Variants in DLC1 observed in about 807,000 individuals in gnomAD.
DLC1 encodes rho GTPase-activating protein 7.
In DLC1, 54 loss-of-function variants were observed where a neutral mutation model predicts 140.3. That is an observed-to-expected ratio of 0.38 (90% CI 0.31 to 0.48). DLC1 has a LOEUF of 0.48. Among genes scored for constraint, DLC1 ranks in the 20% least tolerant of loss-of-function variants. The probability of loss-of-function intolerance (pLI) is 0.96; values close to 1 mark genes in which losing one functional copy is unlikely to be tolerated. For missense variants in DLC1, 2,536 were observed against 1,907.0 expected (o/e 1.33, Z -6.14); for synonymous variants, 986 against 728.1 (o/e 1.35, Z -5.70).
At position 13,500,132 on chromosome 8, in the gene DLC1, A is replaced by G; in HGVS notation, c.-61T>C. On this transcript the variant is annotated 5_prime_UTR_variant, in exon 2 of 18. Coordinates refer to ENST00000276297, the MANE Select transcript of DLC1 (RefSeq NM_182643.3). The stretch of plus-strand genomic sequence containing the variant: ...TCCATATGAGGGTAAAGGAGATGGA[A>G]CTTGATGAAAGATTATTTCAAAATC... The G allele has an allele frequency of 7.3e-7, 1 of 1,378,786 alleles. No individual in the cohort carries two copies. 85.4% of individuals were successfully genotyped at this position (1,378,786 alleles called of 1,614,324 possible).
chr8:13,174,830 T>A (rs989793560), intron 5 of DLC1, among the ~76,000 whole-genome samples: 2 of 151,888 alleles, frequency 1.3e-5, no homozygotes, highest in South Asian at 4.1e-4. Context: ...CATTGATAAT[T>A]TTTTTTTGCT....
intron 1 of DLC1, among the ~76,000 whole-genome samples, chr8:13,595,018 G>A (rs139214683): frequency 0.011 from 1,693 of 150,682 alleles, 14 homozygotes; most frequent in Non-Finnish European, 0.018. Flanking sequence ...CAATTGTTGT[G>A]AGAAAAAAAA....
At chr8:13,374,339 A>G (rs1373463520) in intron 4 of DLC1, among the ~76,000 whole-genome samples, 1 of 152,112 alleles carries the variant, frequency 6.6e-6, no homozygotes, top group Admixed American at 6.6e-5. Flanking sequence ...ATAGAATTTT[A>G]CTTAGGTCAC....
intron 5 of DLC1, among the ~76,000 whole-genome samples, chr8:13,261,760 G>T (rs1563206372): frequency 6.6e-6 from 1 of 152,164 alleles, no homozygotes; most frequent in East Asian, 1.9e-4. Flanking sequence ...GCTGTGAATG[G>T]AGATGAAAAA....
At chr8:13,392,811 G>T (rs1836822660) in intron 4 of DLC1, among the ~76,000 whole-genome samples, 1 of 126,598 alleles carries the variant, frequency 7.9e-6, no homozygotes, top group Non-Finnish European at 1.7e-5. Context: ...TCCTTTCGTG[G>T]TGTATTATTC....
At chr8:13,332,797 C>A (rs1833653092) in intron 4 of DLC1, among the ~76,000 whole-genome samples, 1 of 152,082 alleles carries the variant, frequency 6.6e-6, no homozygotes, top group East Asian at 1.9e-4. Context: ...CATTAATTAA[C>A]CTAGGTTAAT....
chr8:13,141,565 C>G (rs1391169533), intron 5 of DLC1, among the ~76,000 whole-genome samples: 1 of 152,122 alleles, frequency 6.6e-6, no homozygotes, highest in Non-Finnish European at 1.5e-5. Context: ...GTATGTTGCT[C>G]TTTCTTTCTG....
chr8:13,251,113 G>C (rs987730405), intron 5 of DLC1, among the ~76,000 whole-genome samples: 1 of 152,100 alleles, frequency 6.6e-6, no homozygotes, highest in Non-Finnish European at 1.5e-5. Flanking sequence ...TTCTCACATG[G>C]CCTTTCCTTT....
rs1801638769 is a variant in DLC1, at chr8:13,498,927, A to T, written c.1023+122T>A. 4 of 1,182,002 alleles carry T rather than the reference A, an allele frequency of 3.4e-6. No individual in the cohort carries two copies. The Admixed American group carries it at 8.7e-5, about 26-fold the overall frequency. The allele number at this position is 1,182,002 out of a possible 1,614,324, so 73.2% of individuals were successfully genotyped here. ...CAAGTGGGTAGTCGTTGAATTACAC[A>T]TCTGCATAACAGGGCAAAAGAACCA... On this transcript the variant is annotated intron_variant, in intron 2 of 17. Transcript: ENST00000276297.
intron 2 of DLC1, among the ~76,000 whole-genome samples, chr8:13,426,177 C>T (rs117798374): frequency 0.023 from 3,436 of 151,124 alleles, 57 homozygotes; most frequent in Middle Eastern, 0.041. Flanking sequence ...AAAAGATGTC[C>T]ATGCTTAATA....
chr8:13,178,558 G>C (rs1825871810), intron 5 of DLC1, among the ~76,000 whole-genome samples: 1 of 140,662 alleles, frequency 7.1e-6, no homozygotes, highest in African/African-American at 2.7e-5. Flanking sequence ...GGGCGACAGA[G>C]TGAGACTCTG....
chr8:13,427,256 G>A (rs1356629021), intron 2 of DLC1, among the ~76,000 whole-genome samples: 1 of 152,076 alleles, frequency 6.6e-6, no homozygotes, highest in African/African-American at 2.4e-5. Flanking sequence ...ATGCCTCCAA[G>A]ATTTTCCCAC....
intron 2 of DLC1, among the ~76,000 whole-genome samples, chr8:13,468,396 C>A (rs555493757): frequency 4.7e-5 from 6 of 127,958 alleles, no homozygotes; most frequent in African/African-American, 1.7e-4. Context: ...GCTCTGAGGC[C>A]CAGGCTGGAG....
chr8:13,600,697 G>A (rs996589381), intron 1 of DLC1, among the ~76,000 whole-genome samples: 1 of 151,798 alleles, frequency 6.6e-6, no homozygotes, highest in Non-Finnish European at 1.5e-5. Flanking sequence ...GGTATTTGAA[G>A]AATTAATTTT....
At chr8:13,370,350 T>C (rs1045137071) in intron 4 of DLC1, among the ~76,000 whole-genome samples, 1 of 152,218 alleles carries the variant, frequency 6.6e-6, no homozygotes, top group East Asian at 1.9e-4. Flanking sequence ...CAGTAGGTGT[T>C]TGATGAGCAT....
chr8:13,141,025 C>T (rs148053012), intron 5 of DLC1, among the ~76,000 whole-genome samples: 27 of 152,102 alleles, frequency 1.8e-4, no homozygotes, highest in African/African-American at 5.1e-4. Context: ...GAGGCCGAGG[C>T]GTGTGGATCA....
chr8:13,321,864 G>A (rs1019954502), intron 4 of DLC1, among the ~76,000 whole-genome samples: 12 of 152,094 alleles, frequency 7.9e-5, no homozygotes, highest in African/African-American at 2.2e-4. Context: ...TATTTTCTAC[G>A]TGTCTGTTAT....
intron 2 of DLC1, among the ~76,000 whole-genome samples, chr8:13,491,569 C>T (rs1419122259): frequency 1.3e-5 from 2 of 152,184 alleles, no homozygotes; most frequent in African/African-American, 4.8e-5. Flanking sequence ...TCTCTGGATA[C>T]AACTAAGTAT....
Position 13,591,315 on chromosome 8 carries a change from G to A in DLC1, c.-126+13222C>T, listed in dbSNP as rs529665708. Among the ~76,000 whole-genome samples the A allele has an allele frequency of 2.6e-5, 4 of 152,168 alleles. No individual in the cohort carries two copies. The East Asian group carries it at 7.8e-4, about 30-fold the overall frequency. ...AATCCCCACATATCATGGGAGGGAC[G>A]CAGTGGGAGGTAATTAAATCATGGG... is the stretch of plus-strand genomic sequence containing the variant. On this transcript the variant is annotated intron_variant, in intron 1 of 1. Coordinates refer to the DLC1 transcript ENST00000631382.
Sources: gnomAD v4.1 joint callset for allele counts (sites outside exome capture counted in the v4.1 genomes callset) on GRCh38, gnomAD v4.1.1 for gene constraint, MANE v1.5 for transcripts, NCBI Gene and HGNC (gene_info 2026-07-23, HGNC 2026-07-21) for gene names.